ARHGEF4: variants seen among roughly 807,000 people sequenced by gnomAD.
ARHGEF4 encodes Rho guanine nucleotide exchange factor 4, also known as APC-stimulated guanine nucleotide exchange factor 1.
A neutral mutation model predicts 162.0 loss-of-function variants in ARHGEF4; 119 were observed. The ratio of observed to expected loss-of-function variants is 0.73; its 90% CI spans 0.63 to 0.86. The LOEUF is 0.86. ARHGEF4 is among the 40% of genes least tolerant of loss of function. The pLI is 0.00. For synonymous variants in ARHGEF4, 1,014 were observed against 979.9 expected (o/e 1.03, Z -0.65); for missense variants, 2,488 against 2,456.0 (o/e 1.01, Z -0.28).
intron 1 of ARHGEF4, among the ~76,000 whole-genome samples, chr2:130,864,767 A>C (rs1021932907): frequency 2.6e-5 from 4 of 152,212 alleles, no homozygotes; most frequent in African/African-American, 7.2e-5. Flanking sequence ...ATTAGTACAA[A>C]CATGTTCTAA....
At chr2:131,009,497 C>T (rs1419623952) in intron 4 of ARHGEF4, among the ~76,000 whole-genome samples, 1 of 152,132 alleles carries the variant, frequency 6.6e-6, no homozygotes, top group Non-Finnish European at 1.5e-5. Flanking sequence ...GTATGTTAGA[C>T]CATAGTATTT....
chr2:130,995,040 C>G (rs933099186), intron 4 of ARHGEF4, among the ~76,000 whole-genome samples: 5 of 152,222 alleles, frequency 3.3e-5, no homozygotes, highest in Non-Finnish European at 5.9e-5. Flanking sequence ...AGCTTACAGT[C>G]CATAGGGATT....
chr2:130,963,657 G>A (rs1051206582), intron 4 of ARHGEF4: 1 of 146,470 alleles, frequency 6.8e-6, no homozygotes, highest in East Asian at 2.1e-4. Context: ...AGGCCTGCGT[G>A]CGCGCGTGCG....
intron 5 of ARHGEF4, among the ~76,000 whole-genome samples, chr2:131,031,827 G>A (rs1344251100): frequency 6.6e-6 from 1 of 152,196 alleles, no homozygotes; most frequent in East Asian, 1.9e-4. Context: ...GGGCTGCACT[G>A]TGCCCCTGCA....
intron 1 of ARHGEF4, among the ~76,000 whole-genome samples, chr2:130,866,952 C>T (rs1682321802): frequency 6.6e-6 from 1 of 152,106 alleles, no homozygotes; most frequent in African/African-American, 2.4e-5. Flanking sequence ...ATCATTTGTT[C>T]CTTCAATGTT....
At chr2:130,857,048 C>G (rs1002111330) in intron 1 of ARHGEF4, among the ~76,000 whole-genome samples, 2 of 152,040 alleles carry the variant, frequency 1.3e-5, no homozygotes, top group African/African-American at 4.8e-5. Flanking sequence ...TGGTGAAACC[C>G]CGTCTCTACT....
Position 130,914,209 on chromosome 2 carries a change from T to C in ARHGEF4, c.263T>C (p.Val88Ala). Residue 88 changes from valine (V) to alanine (A), a missense_variant, in exon 2 of 14, where the codon GTC (valine) becomes GCC (alanine). Val to Ala is a moderately conservative substitution (Grantham distance 64). Transcript: ENST00000409359. ...ESLSGYLPRG[V>A]FHPLRGTPVD... ...TTGTCTGGGTACCTCCCGAGGGGAGTCTTCCACCCTCTAAGAGGTACTCCC... is the reference window on the plus strand; with the variant it reads ...TTGTCTGGGTACCTCCCGAGGGGAGCCTTCCACCCTCTAAGAGGTACTCCC... 1.3e-6 allele frequency: 2 copies of C among 1,535,628 alleles called. No homozygotes were observed. The highest frequency in any genetic ancestry group is 1.7e-6 in the Non-Finnish European group (2 of 1,146,820).
Position 130,836,930 on chromosome 2 carries a change from G to A in ARHGEF4, c.-24G>A. The A allele has an allele frequency of 8.2e-7, 1 of 1,224,020 alleles. No homozygotes were observed. The highest frequency in any genetic ancestry group is 1.0e-6 in the Non-Finnish European group (1 of 982,886). The allele number at this position is 1,224,020 out of a possible 1,614,324, so 75.8% of individuals were successfully genotyped here. On this transcript the variant is annotated 5_prime_UTR_variant, in exon 1 of 14. Transcript: ENST00000409359. Reference sequence around the variant, plus strand: ...GCGCGGCTCGTAGTGCTGCGGCCGGGCTCCGGGCGTCCCGGCGGCCACCAT... The same window carrying A: ...GCGCGGCTCGTAGTGCTGCGGCCGGACTCCGGGCGTCCCGGCGGCCACCAT...
In ARHGEF4 at chr2:130,880,825, G is replaced by A. The variant is rs537406426; in HGVS notation, c.40-33161G>A. ...GCTGGGATTACAGGTGTGAGCACCC[G>A]GCCAAATTTTTTTTTTTTTTTTAAA... On this transcript the variant is annotated intron_variant, in intron 1 of 13. Coordinates refer to ENST00000409359, the MANE Select transcript of ARHGEF4 (RefSeq NM_001367493.1). 3.3e-5 allele frequency among the ~76,000 whole-genome samples: 5 copies of A among 151,486 alleles called. 1 individual carries two copies. In the South Asian group the frequency reaches 8.3e-4, roughly 25 times the overall value.
intron 1 of ARHGEF4, among the ~76,000 whole-genome samples, chr2:130,844,323 T>A (rs1680802464): frequency 6.6e-6 from 1 of 152,202 alleles, no homozygotes; most frequent in South Asian, 2.1e-4. Flanking sequence ...ACGGGGATGG[T>A]GCTGCCTGTG....
intron 4 of ARHGEF4, among the ~76,000 whole-genome samples, chr2:130,967,332 C>T (rs4377367): frequency 0.79 from 120,058 of 152,194 alleles, 48,420 homozygotes; most frequent in East Asian, 1. Flanking sequence ...TTCTGCCCCG[C>T]TGTTCTCATC....
At chr2:130,991,803 C>T (rs538468710) in intron 4 of ARHGEF4, among the ~76,000 whole-genome samples, 1 of 152,370 alleles carries the variant, frequency 6.6e-6, no homozygotes, top group East Asian at 1.9e-4. Context: ...CCAGTCCCAT[C>T]GACCACCCAA....
intron 1 of ARHGEF4, among the ~76,000 whole-genome samples, chr2:130,857,741 A>G (rs964310227): frequency 3.1e-4 from 1 of 3,260 alleles, no homozygotes; most frequent in African/African-American, 2.3e-3. Context: ...TTTCTTAAAA[A>G]GAAAAACAAG....
intron 8 of ARHGEF4, among the ~76,000 whole-genome samples, chr2:131,040,950 C>G (rs977058247): frequency 6.6e-6 from 1 of 152,112 alleles, no homozygotes; most frequent in African/African-American, 2.4e-5. Context: ...CCTACCACCG[C>G]CGCTTTTGGC....
At chr2:131,012,926 A>T (rs1688556022) in intron 4 of ARHGEF4, among the ~76,000 whole-genome samples, 1 of 152,248 alleles carries the variant, frequency 6.6e-6, no homozygotes, top group Non-Finnish European at 1.5e-5. Context: ...CACAGTGGAA[A>T]GGAAGTCTAC....
In ARHGEF4 at chr2:130,965,077, TGA is replaced by T. The variant is rs567113875; in HGVS notation, c.3985+18448_3985+18449del. 2.0e-5 allele frequency among the ~76,000 whole-genome samples: 3 copies of T among 152,332 alleles called. No homozygotes were observed. In the South Asian group the frequency reaches 6.2e-4, roughly 32 times the overall value. On this transcript the variant is annotated intron_variant, in intron 4 of 13. Transcript: ENST00000409359. ...AAGGGCAACAGTTGCTGCCTGGAAA[TGA>T]GAGAGTTATACACCCACTATGCTTC...
chr2:131,037,399 T>C (rs1690378776), intron 5 of ARHGEF4, among the ~76,000 whole-genome samples: 1 of 152,074 alleles, frequency 6.6e-6, no homozygotes, highest in Non-Finnish European at 1.5e-5. Context: ...AACACAGGAC[T>C]GGCCCCACTC....
At chr2:131,035,485 G>A (rs1690198854) in intron 5 of ARHGEF4, 2 of 368,192 alleles carry the variant, frequency 5.4e-6, no homozygotes, top group Non-Finnish European at 8.5e-6. Context: ...TGGGGAGTGG[G>A]GGCTGCGGGG....
chr2:131,022,107 A>T (rs536571070), intron 4 of ARHGEF4, among the ~76,000 whole-genome samples: 3 of 152,242 alleles, frequency 2.0e-5, no homozygotes, highest in Admixed American at 1.3e-4. Context: ...ATTAGTCTGT[A>T]GTCTTCTTGT....
Sources: gnomAD v4.1 joint callset for allele counts (sites outside exome capture counted in the v4.1 genomes callset) on GRCh38, gnomAD v4.1.1 for gene constraint, MANE v1.5 for transcripts, NCBI Gene and HGNC (gene_info 2026-07-23, HGNC 2026-07-21) for gene names.